TMEM131: variants seen among roughly 807,000 people sequenced by gnomAD.
TMEM131 encodes 2610524E03Rik.
In TMEM131, 66 loss-of-function variants were observed where a neutral mutation model predicts 211.6. The ratio of observed to expected loss-of-function variants is 0.31; its 90% CI spans 0.26 to 0.38. The LOEUF is 0.38. Among genes scored for constraint, TMEM131 ranks in the 10% least tolerant of loss-of-function variants. TMEM131 has a pLI of 1.00. For synonymous variants in TMEM131, 844 were observed against 841.3 expected (o/e 1.00, Z -0.06); for missense variants, 2,036 against 2,299.3 (o/e 0.89, Z 2.34).
chr2:97,802,880 A>T, intron 22 of TMEM131, 90 bp from the exon 23 acceptor site: 1 of 1,175,352 alleles, frequency 8.5e-7, no homozygotes, highest in Non-Finnish European at 1.2e-6. Context: ...TGTACTTGAG[A>T]AATTTTTTGC....
At chr2:97,882,730 A>G (rs1338893749) in intron 4 of TMEM131, among the ~76,000 whole-genome samples, 1 of 152,208 alleles carries the variant, frequency 6.6e-6, no homozygotes, top group African/African-American at 2.4e-5. Flanking sequence ...GTATATATAC[A>G]TATACATTCA....
chr2:97,831,262 A>T (rs1357965576), intron 11 of TMEM131, among the ~76,000 whole-genome samples: 1 of 152,192 alleles, frequency 6.6e-6, no homozygotes, highest in African/African-American at 2.4e-5. Context: ...ATCCTGTAAT[A>T]ATTTCCCATT....
chr2:97,773,083 C>G lies in TMEM131; in HGVS notation c.4321-659G>C, dbSNP rs553982119. Reference sequence around the variant, plus strand: ...CCTTAAAAGAAAAGTTCAGTAGAGACTGCAGTATAAAGTCAAGCACTCCAG... The same window carrying G: ...CCTTAAAAGAAAAGTTCAGTAGAGAGTGCAGTATAAAGTCAAGCACTCCAG... On this transcript the variant is annotated intron_variant, in intron 32 of 40. Coordinates refer to ENST00000186436, the MANE Select transcript of TMEM131 (RefSeq NM_015348.2). Among the ~76,000 whole-genome samples the G allele has an allele frequency of 8.5e-5, 13 of 152,292 alleles. No homozygotes were observed. In the East Asian group the frequency reaches 2.3e-3, roughly 27 times the overall value.
At chr2:97,859,502 T>A in intron 4 of TMEM131, 75 bp from the exon 5 acceptor site, 1 of 1,301,430 alleles carries the variant, frequency 7.7e-7, no homozygotes, top group Admixed American at 3.3e-5. Context: ...AAAAAATTAA[T>A]CAAAATTGTT....
intron 1 of TMEM131, among the ~76,000 whole-genome samples, chr2:97,956,353 A>G (rs1042984667): frequency 6.6e-6 from 1 of 152,234 alleles, no homozygotes; most frequent in African/African-American, 2.4e-5. Context: ...GCTAAATGGA[A>G]ATGTGAAATA....
rs116115052 is a variant in TMEM131, at chr2:97,995,408, A to G, written c.187+68T>C. 2.7e-4 allele frequency: 339 copies of G among 1,278,672 alleles called. 2 individuals are homozygous for G. The African/African-American group carries it at 4.8e-3, about 18-fold the overall frequency. The allele number at this position is 1,278,672 out of a possible 1,614,324, so 79.2% of individuals were successfully genotyped here. ...CGGCCGCGGCCCTTCCTCCCGGCCC[A>G]GCCCTCCCGGCCTCCGCGAGAGCGG... On this transcript the variant is annotated intron_variant, in intron 1 of 40. Transcript: ENST00000186436.
At chr2:97,841,459 A>C (rs975974357) in intron 7 of TMEM131, among the ~76,000 whole-genome samples, 4 of 152,238 alleles carry the variant, frequency 2.6e-5, no homozygotes, top group African/African-American at 9.6e-5. Flanking sequence ...AACTGTTTTA[A>C]AAAACATGGA....
intron 34 of TMEM131, 35 bp downstream of exon 34, chr2:97,766,442 CG>C (rs758437748): frequency 1.2e-6 from 2 of 1,613,402 alleles, no homozygotes; most frequent in East Asian, 4.5e-5. Flanking sequence ...TGAAAAGATC[CG>C]TAAGACATGA....
chr2:97,818,164 C>A (rs1349667880), intron 12 of TMEM131, among the ~76,000 whole-genome samples: 1 of 152,002 alleles, frequency 6.6e-6, no homozygotes, highest in East Asian at 1.9e-4. Context: ...ATTATTTTAG[C>A]TTAAGTAGGG....
At chr2:97,793,256 C>A (rs1680589379) in intron 30 of TMEM131, 139 bp downstream of exon 30, 1 of 859,718 alleles carries the variant, frequency 1.2e-6, no homozygotes, top group Non-Finnish European at 1.8e-6. Context: ...CTCAGAGTTC[C>A]ATACAGGGTG....
intron 11 of TMEM131, among the ~76,000 whole-genome samples, chr2:97,821,791 C>T (rs570411506): frequency 7.9e-5 from 12 of 152,266 alleles, no homozygotes; most frequent in Non-Finnish European, 1.2e-4. Flanking sequence ...GCACAGCCAC[C>T]GGACTAAAGA....
chr2:97,783,411 T>C (rs1174012588), intron 31 of TMEM131, among the ~76,000 whole-genome samples: 2 of 152,134 alleles, frequency 1.3e-5, no homozygotes, highest in Admixed American at 1.3e-4. Flanking sequence ...TCTTAAGTCT[T>C]CTAAATTATG....
At chr2:97,937,043 G>A (rs1359153217) in intron 1 of TMEM131, among the ~76,000 whole-genome samples, 1 of 152,002 alleles carries the variant, frequency 6.6e-6, no homozygotes, top group Non-Finnish European at 1.5e-5. Context: ...AAAGAAACAA[G>A]AAAGTATGGC....
At chr2:97,834,597 G>T in intron 10 of TMEM131, 24 bp downstream of exon 10, 1 of 1,468,030 alleles carries the variant, frequency 6.8e-7, no homozygotes, top group Non-Finnish European at 9.1e-7. Flanking sequence ...ACTCCATAAA[G>T]ACTCTTTTAA....
chr2:97,828,731 G>A (rs1259117462), intron 11 of TMEM131, among the ~76,000 whole-genome samples: 3 of 152,172 alleles, frequency 2.0e-5, no homozygotes, highest in Non-Finnish European at 4.4e-5. Context: ...ACCAGTCAGG[G>A]ATACTACAGC....
intron 11 of TMEM131, among the ~76,000 whole-genome samples, chr2:97,818,996 T>A (rs368487257): frequency 3.9e-5 from 6 of 152,184 alleles, no homozygotes; most frequent in African/African-American, 1.4e-4. Context: ...ATAAAGCATT[T>A]AAAAAAGGTA....
chr2:97,756,862 T>G lies in TMEM131; in HGVS notation c.*237A>C. ...CTCAGATGTACAGGTCTTATTAGAG[T>G]TTGTGGCTGAGTCCAGACTTTTCTC... On this transcript the variant is annotated 3_prime_UTR_variant, in exon 41 of 41. Transcript: ENST00000186436. 2.4e-6 allele frequency: 1 copy of G among 416,164 alleles called. No homozygotes were observed. Among genetic ancestry groups the G allele is most frequent in the Admixed American group, 4.2e-5 (1 of 24,080 alleles). The allele number at this position is 416,164 out of a possible 1,614,324, so 25.8% of individuals were successfully genotyped here.
chr2:97,942,464 T>C (rs1677779903), intron 1 of TMEM131, among the ~76,000 whole-genome samples: 1 of 136,242 alleles, frequency 7.3e-6, no homozygotes, highest in Non-Finnish European at 1.6e-5. Flanking sequence ...ACCCTAGAAC[T>C]TAAAGTATAA....
chr2:97,796,466 G>T (rs1680768991), intron 27 of TMEM131, 62 bp from the exon 28 acceptor site: 4 of 1,016,112 alleles, frequency 3.9e-6, no homozygotes, highest in African/African-American at 1.7e-5. Context: ...CAGTCCAAAT[G>T]ATAAATACAT....
Sources: gnomAD v4.1 joint callset for allele counts (sites outside exome capture counted in the v4.1 genomes callset) on GRCh38, gnomAD v4.1.1 for gene constraint, MANE v1.5 for transcripts, NCBI Gene and HGNC (gene_info 2026-07-23, HGNC 2026-07-21) for gene names.